KMT2D: variants seen among roughly 807,000 people sequenced by gnomAD.
KMT2D encodes the protein lysine methyltransferase 2D.
In KMT2D, 55 loss-of-function variants were observed where a neutral mutation model predicts 512.7. The ratio of observed to expected loss-of-function variants is 0.11; its 90% CI spans 0.09 to 0.13. The LOEUF is 0.13. Among genes scored for constraint, KMT2D ranks in the 10% least tolerant of loss-of-function variants. The pLI, the probability that KMT2D is intolerant of heterozygous loss-of-function variation, is 1.00. For missense variants in KMT2D, 6,061 were observed against 7,127.9 expected (o/e 0.85, Z 5.39); for synonymous variants, 2,995 against 2,904.0 (o/e 1.03, Z -1.01).
chr12:49,036,098 G>C (rs1943201825), intron 35 of KMT2D: 1 of 152,198 alleles, frequency 6.6e-6, no homozygotes, highest in Non-Finnish European at 1.5e-5. Context: ...AAAGTGCTCA[G>C]TAAACTCCTT....
Position 49,051,327 on chromosome 12 carries a change from G to C in KMT2D, c.2356C>G (p.Pro786Ala), listed in dbSNP as rs544883770. Residue 786 changes from proline to alanine, a missense_variant, in exon 11 of 55, where the codon CCA becomes GCA. By Grantham distance (27) the Pro-to-Ala change is conservative. Around this residue, in one of 16 missense-constraint regions of KMT2D, gnomAD observed 848 missense variants for 838.5 expected, o/e 1.01. Transcript: ENST00000301067. ...EPCLCAVPEE[P>A]HLSPQAEGPH... ...CCCTCAGCCTGGGGGGACAAGTGTG[G>C]CTCCTCAGGCACAGCGCATAGGCAT... 23 of 1,590,670 alleles carry C rather than the reference G, an allele frequency of 1.4e-5. 1 individual carries two copies. The highest frequency in any genetic ancestry group is 1.3e-4 in the South Asian group (12 of 89,304).
intron 25 of KMT2D, 38 bp downstream of exon 25, chr12:49,043,325 A>C (rs2120566721): frequency 1.2e-6 from 2 of 1,606,640 alleles, no homozygotes; most frequent in African/African-American, 1.3e-5. Flanking sequence ...GAGGCAAGCA[A>C]GGCCAAGACA....
At position 49,037,764 on chromosome 12, in the gene KMT2D, G is replaced by C. The variant is rs1311527251; in HGVS notation, c.9592C>G (p.Pro3198Ala). 6.3e-7 allele frequency: 1 copy of C among 1,592,852 alleles called. No homozygotes were observed. The highest frequency in any genetic ancestry group is 8.6e-7 in the Non-Finnish European group (1 of 1,169,464). The change falls in exon 35 of 55, where the codon CCC becomes GCC. Residue 3198 changes from proline to alanine, a missense_variant. Pro to Ala is a conservative substitution (Grantham distance 27). Around this residue, in one of 16 missense-constraint regions of KMT2D, gnomAD observed 533 missense variants for 539.6 expected, o/e 0.99. Coordinates refer to ENST00000301067, the MANE Select transcript of KMT2D (RefSeq NM_003482.4). ...CCTCCTGGGCCACTCAGTGGGCTGGGGGTCAGCAGGTGAGCTGGTGGTCCT... is the reference window on the plus strand; with the variant it reads ...CCTCCTGGGCCACTCAGTGGGCTGGCGGTCAGCAGGTGAGCTGGTGGTCCT... ...TGGPPAHLLT[P>A]SPLSGPGGSS...
Position 49,052,905 on chromosome 12 carries a change from C to T in KMT2D, c.1112+10G>A, listed in dbSNP as rs1592159138. 2 of 1,613,718 alleles carry T rather than the reference C, an allele frequency of 1.2e-6. No individual in the cohort carries two copies. Among genetic ancestry groups the T allele is most frequent in the South Asian group, 2.2e-5 (2 of 91,086 alleles). On this transcript the variant is annotated intron_variant, in intron 9 of 54. Transcript: ENST00000301067. ...TGCCAGCCCAATCTCAGTCAGTCCC[C>T]ACCACTTACCTGCTACACACCGGGG...
chr12:49,053,189 G>C lies in KMT2D; in HGVS notation c.954+18C>G. On this transcript the variant is annotated intron_variant, in intron 8 of 54. Transcript: ENST00000301067. ...AGACACAGTTAGGGACAATAGGGCA[G>C]AATCAGGGTACACTCACCTTGCACT... The C allele has an allele frequency of 6.2e-7, 1 of 1,610,902 alleles. No individual in the cohort carries two copies.
Position 49,028,050 on chromosome 12 carries a change from C to T in KMT2D, c.14474G>A (p.Arg4825Gln), listed in dbSNP as rs758494772. 5.1e-5 allele frequency: 83 copies of T among 1,612,806 alleles called. No homozygotes were observed. The highest frequency in any genetic ancestry group is 6.7e-5 in the Admixed American group (4 of 59,780). ...CCCCTTCTTTGGCTCAGTGCCTGCC[C>T]GGGCGGGGCTCTCTGGGAACAGCAC... ...YEVLFPESPA[R>Q]AGTEPKKGEA... Residue 4825 changes from arginine (R) to glutamine (Q), a missense_variant, in exon 47 of 55, where the codon CGG (arginine) becomes CAG (glutamine). By Grantham distance (43) the Arg-to-Gln change is conservative. Coordinates refer to ENST00000301067, the MANE Select transcript of KMT2D (RefSeq NM_003482.4).
In KMT2D at chr12:49,054,197, C is replaced by T. The variant is rs752970063; in HGVS notation, c.511-57G>A. ...GCCAGCTCTCCCCAGACAAACAGTT[C>T]AGGCACTAGCTCTGCCCCAGTATAC... On this transcript the variant is annotated intron_variant, in intron 5 of 54. Transcript: ENST00000301067. The surrounding 1 kb of genome is among the most constrained non-coding windows in gnomAD (Gnocchi z 6.4). 15 of 1,542,734 alleles carry T rather than the reference C, an allele frequency of 9.7e-6. No individual in the cohort carries two copies. The highest frequency in any genetic ancestry group is 1.3e-5 in the Non-Finnish European group (15 of 1,140,308).
chr12:49,043,311 G>A lies in KMT2D; in HGVS notation c.5533+52C>T, dbSNP rs1332454906. ...ACAATGCTCAGGGGCACAGCAGAGG[G>A]ACAGAGGCAAGCAAGGCCAAGACAG... On this transcript the variant is annotated intron_variant, in intron 25 of 54. Transcript: ENST00000301067. 2.5e-6 allele frequency: 4 copies of A among 1,585,696 alleles called. No individual in the cohort carries two copies. The South Asian group carries it at 3.3e-5, about 13-fold the overall frequency.
At chr12:49,047,839 A>T in intron 15 of KMT2D, 126 bp downstream of exon 15, 1 of 654,714 alleles carries the variant, frequency 1.5e-6, no homozygotes, top group Non-Finnish European at 2.8e-6. Flanking sequence ...TTTGATAACC[A>T]CTGGTGACTA....
At position 49,051,941 on chromosome 12, in the gene KMT2D, A is replaced by G. The variant is rs1938075490; in HGVS notation, c.1742T>C (p.Met581Thr). 1 of 1,611,328 alleles carries G rather than the reference A, an allele frequency of 6.2e-7. No individual in the cohort carries two copies. The highest frequency in any genetic ancestry group is 1.4e-5 in the African/African-American group (1 of 73,974). Residue 581 changes from methionine (M) to threonine (T), a missense_variant, in exon 11 of 55, where the codon ATG (methionine) becomes ACG (threonine). Physicochemically the swap from Met to Thr is moderately conservative, Grantham distance 81. This residue lies in a region of KMT2D where 848 missense variants were observed against 838.5 expected (regional missense o/e 1.01). Coordinates refer to ENST00000301067, the MANE Select transcript of KMT2D (RefSeq NM_003482.4). Reference protein sequence around the residue: ...RLSPPPEESPMSPPPEESPMS... With the variant: ...RLSPPPEESPTSPPPEESPMS... The stretch of plus-strand genomic sequence containing the variant: ...GGGTGACTCTTCAGGTGGAGGGGAC[A>G]TGGGTGACTCCTCAGGTGGTGGAGA...
At chr12:49,052,760 T>C in intron 9 of KMT2D, 51 bp from the exon 10 acceptor site, 1 of 1,601,912 alleles carries the variant, frequency 6.2e-7, no homozygotes, top group Non-Finnish European at 8.5e-7. Flanking sequence ...AGCTAACAAA[T>C]CCTAGAGAGC....
Position 49,049,890 on chromosome 12 carries a change from T to A in KMT2D, c.3698A>T (p.Glu1233Val). 1 of 1,613,724 alleles carries A rather than the reference T, an allele frequency of 6.2e-7. No homozygotes were observed. Among genetic ancestry groups the A allele is most frequent in the Non-Finnish European group, 8.5e-7 (1 of 1,179,820 alleles). Reference sequence around the variant, plus strand: ...CTCCATGGACAGGGAGCCACCCCCCTCCGGGTCTGGAGAGCCCAGGAGGGG... The same window carrying A: ...CTCCATGGACAGGGAGCCACCCCCCACCGGGTCTGGAGAGCCCAGGAGGGG... ...SEPLLGSPDP[E>V]GGGSLSMELG... The change falls in exon 12 of 55, where the codon GAG becomes GTG. Residue 1233 changes from glutamate (E) to valine (V), a missense_variant. By Grantham distance (121) the Glu-to-Val change is moderately radical. Around this residue, in one of 16 missense-constraint regions of KMT2D, gnomAD observed 447 missense variants for 500.1 expected, o/e 0.89. Coordinates refer to ENST00000301067, the MANE Select transcript of KMT2D (RefSeq NM_003482.4).
chr12:49,046,236 G>A lies in KMT2D; in HGVS notation c.4583+24C>T, dbSNP rs775111512. On this transcript the variant is annotated intron_variant, in intron 17 of 54. Coordinates refer to ENST00000301067, the MANE Select transcript of KMT2D (RefSeq NM_003482.4). The surrounding 1 kb of genome is among the most constrained non-coding windows in gnomAD (Gnocchi z 4.2). ...ATGCGAGGCTGGCAACAGGGCCAAAGTGAGGAGAAAGGGATGTTCTCACCG... is the reference window on the plus strand; with the variant it reads ...ATGCGAGGCTGGCAACAGGGCCAAAATGAGGAGAAAGGGATGTTCTCACCG... The A allele has an allele frequency of 9.9e-6, 16 of 1,613,774 alleles. No homozygotes were observed. The highest frequency in any genetic ancestry group is 1.7e-5 in the Admixed American group (1 of 59,982).
At position 49,024,921 on chromosome 12, in the gene KMT2D, A is replaced by G. The variant is rs2137711996; in HGVS notation, c.15810T>C (p.Pro5270=). 6.3e-7 allele frequency: 1 copy of G among 1,597,072 alleles called. No individual in the cohort carries two copies. Among genetic ancestry groups the G allele is most frequent in the Non-Finnish European group, 8.5e-7 (1 of 1,171,826 alleles). The change falls in exon 50 of 55, where the codon CCT becomes CCC. Residue 5270 remains proline (P), a synonymous_variant. Coordinates refer to ENST00000301067, the MANE Select transcript of KMT2D (RefSeq NM_003482.4). The surrounding 1 kb of genome is among the most constrained non-coding windows in gnomAD (Gnocchi z 4.5). ...PQAVWNRIIE[P]VAAMRKEADM... is the part of the protein sequence containing the mutation. ...CAGCCTCTTTTCTCATGGCAGCCACAGGCTCAATGATGCGATTCCACACGG... is the reference window on the plus strand; with the variant it reads ...CAGCCTCTTTTCTCATGGCAGCCACGGGCTCAATGATGCGATTCCACACGG...
At chr12:49,035,601 C>G (rs1943181460) in intron 35 of KMT2D, 1 of 152,188 alleles carries the variant, frequency 6.6e-6, no homozygotes, top group African/African-American at 2.4e-5. Flanking sequence ...CTCTTGTCAC[C>G]CAGGCTGGAG....
At position 49,050,674 on chromosome 12, in the gene KMT2D, G is replaced by A. The variant is rs762929983; in HGVS notation, c.2914C>T (p.Pro972Ser). 3 of 1,613,606 alleles carry A rather than the reference G, an allele frequency of 1.9e-6. No homozygotes were observed. The South Asian group carries it at 3.3e-5, about 18-fold the overall frequency. ...GTCTCCAGGATGGGGGCAGCCAACGGTGACTCAGGGTCACTGTCCCCTTTG... is the reference window on the plus strand; with the variant it reads ...GTCTCCAGGATGGGGGCAGCCAACGATGACTCAGGGTCACTGTCCCCTTTG... Reference protein sequence around the residue: ...GAKGDSDPESPLAAPILETPI... With the variant: ...GAKGDSDPESSLAAPILETPI... Residue 972 changes from proline (P) to serine (S), a missense_variant, in exon 12 of 55, where the codon CCG becomes TCG. Physicochemically the swap from Pro to Ser is moderately conservative, Grantham distance 74. Around this residue, in one of 16 missense-constraint regions of KMT2D, gnomAD observed 848 missense variants for 838.5 expected, o/e 1.01. Coordinates refer to ENST00000301067, the MANE Select transcript of KMT2D (RefSeq NM_003482.4).
At position 49,042,869 on chromosome 12, in the gene KMT2D, T is replaced by C. The variant is rs1194855633; in HGVS notation, c.5654A>G (p.Lys1885Arg). The C allele has an allele frequency of 1.2e-6, 2 of 1,613,910 alleles. No homozygotes were observed. Among genetic ancestry groups the C allele is most frequent in the Non-Finnish European group, 8.5e-7 (1 of 1,179,816 alleles). ...LDRISTEELPKMESKDLQQLF... is the reference protein window; with the variant it reads ...LDRISTEELPRMESKDLQQLF... ...CTGCTGCAGGTCCTTGGATTCCATCTTGGGCAGTTCTGTGGGGGAATGAAG... is the reference window on the plus strand; with the variant it reads ...CTGCTGCAGGTCCTTGGATTCCATCCTGGGCAGTTCTGTGGGGGAATGAAG... The change falls in exon 27 of 55, where the codon AAG (lysine) becomes AGG (arginine). Residue 1885 changes from lysine (K) to arginine (R), a missense_variant. Transcript: ENST00000301067. This position sits in a 1 kb window ranked among gnomAD's most constrained non-coding sequence, Gnocchi z 4.4.
At position 49,030,937 on chromosome 12, in the gene KMT2D, C is replaced by A. The variant is rs772023360; in HGVS notation, c.13627G>T (p.Asp4543Tyr). 10 of 1,613,886 alleles carry A rather than the reference C, an allele frequency of 6.2e-6. No individual in the cohort carries two copies. In the African/African-American group the frequency reaches 1.1e-4, roughly 17 times the overall value. ...AAGGCCTCGCTGGCCCTGACCCCGT[C>A]CTCCTTCCGCAGCTTCTTTCGGGAG... The part of the protein sequence containing the change: ...VSSRKKLRKE[D>Y]GVRASEALLK... The change falls in exon 41 of 55, where the codon GAC (aspartate) becomes TAC (tyrosine). Residue 4543 changes from aspartate to tyrosine, a missense_variant. Asp to Tyr is a radical substitution (Grantham distance 160). This residue lies in a region of KMT2D where 1,600 missense variants were observed against 1,754.9 expected (regional missense o/e 0.91). Coordinates refer to ENST00000301067, the MANE Select transcript of KMT2D (RefSeq NM_003482.4).
chr12:49,024,589 T>G lies in KMT2D; in HGVS notation c.16041A>C (p.Thr5347=). 1 of 1,612,164 alleles carries G rather than the reference T, an allele frequency of 6.2e-7. No homozygotes were observed. Among genetic ancestry groups the G allele is most frequent in the Non-Finnish European group, 8.5e-7 (1 of 1,178,902 alleles). The change falls in exon 51 of 55, where the codon ACA becomes ACC. Residue 5347 remains threonine (T), a synonymous_variant. Transcript: ENST00000301067. This position sits in a 1 kb window ranked among gnomAD's most constrained non-coding sequence, Gnocchi z 4.5. ...GCARSEPKIL[T]HYKRPHTLNS... is the part of the protein sequence containing the mutation. Reference sequence around the variant, plus strand: ...CATCACAAGCTCACCGTTTGTAGTGTGTGAGGATTTTAGGCTCTGATCGGG... The same window carrying G: ...CATCACAAGCTCACCGTTTGTAGTGGGTGAGGATTTTAGGCTCTGATCGGG...
Sources: gnomAD v4.1 joint callset for allele counts on GRCh38, gnomAD v4.1.1 for gene constraint, gnomAD v4.1.1 regional missense constraint, Gnocchi (gnomAD v3.1) non-coding constraint, MANE v1.5 for transcripts, NCBI Gene and HGNC (gene_info 2026-07-23, HGNC 2026-07-21) for gene names.